CACNA1D: variants seen among roughly 807,000 people sequenced by gnomAD.
CACNA1D encodes the protein calcium voltage-gated channel subunit alpha1 D.
CACNA1D carries 55 observed loss-of-function variants against 257.1 expected under a neutral mutation model. That is an observed-to-expected ratio of 0.21 (90% CI 0.17 to 0.27). CACNA1D has a LOEUF of 0.27. Among genes scored for constraint, CACNA1D ranks in the 10% least tolerant of loss-of-function variants. The pLI is 1.00. For missense variants in CACNA1D, 1,876 were observed against 2,784.0 expected (o/e 0.67, Z 7.34); for synonymous variants, 980 against 1,014.9 (o/e 0.97, Z 0.65).
intron 3 of CACNA1D, among the ~76,000 whole-genome samples, chr3:53,559,625 A>G (rs891447176): frequency 6.6e-6 from 1 of 152,108 alleles, no homozygotes; most frequent in African/African-American, 2.4e-5. Context: ...ATGATATCCT[A>G]AAGTGAAAAT....
rs1157252380 is a variant in CACNA1D at position 53,497,265 on chromosome 3, A to G, written c.181A>G (p.Arg61Gly). The G allele has an allele frequency of 7.4e-6, 12 of 1,614,068 alleles. No homozygotes were observed. The highest frequency in any genetic ancestry group is 1.0e-5 in the Non-Finnish European group (12 of 1,180,028). Residue 61 changes from arginine to glycine, a missense_variant, in exon 2 of 48, where the codon AGA becomes GGA. Arg to Gly is a moderately radical substitution (Grantham distance 125, BLOSUM62 -2). Transcript: ENST00000350061. Reference protein sequence around the residue: ...LSWQAAIDAARQAKAAQTMST... With the variant: ...LSWQAAIDAAGQAKAAQTMST... ...TTGGCAAGCTGCAATCGATGCTGCT[A>G]GACAGGCCAAGGCTGCCCAAACTAT...
Position 53,702,676 on chromosome 3 carries a change from G to C in CACNA1D, c.1256G>C (p.Arg419Pro). The change falls in exon 9 of 48, where the codon CGG (arginine) becomes CCG (proline). Residue 419 changes from arginine to proline, a missense_variant. By Grantham distance (103) the Arg-to-Pro change is moderately radical. Coordinates refer to ENST00000350061, the MANE Select transcript of CACNA1D (RefSeq NM_001128840.3). ...FSKEREKAKA[R>P]GDFQKLREKQ... The stretch of plus-strand genomic sequence containing the variant: ...AAGGAAAGAGAGAAGGCAAAAGCAC[G>C]GGGAGATTTCCAGAAGCTCCGGGAG... 6.2e-7 allele frequency: 1 copy of C among 1,614,156 alleles called. No individual in the cohort carries two copies. Among genetic ancestry groups the C allele is most frequent in the Non-Finnish European group, 8.5e-7 (1 of 1,180,040 alleles).
intron 43 of CACNA1D, 152 bp from the exon 44 acceptor site, chr3:53,803,271 A>G (rs1329771668): frequency 4.8e-5 from 38 of 797,880 alleles, no homozygotes; most frequent in Non-Finnish European, 7.7e-5. Flanking sequence ...TGTTGCCAGA[A>G]GCCGGAACAG....
chr3:53,621,457 G>A (rs1348660804), intron 3 of CACNA1D, among the ~76,000 whole-genome samples: 1 of 152,150 alleles, frequency 6.6e-6, no homozygotes. Flanking sequence ...TCAAGTGTGT[G>A]TTTCTCAAAA....
Position 53,762,076 on chromosome 3 carries a change from G to A in CACNA1D, c.3865G>A (p.Ala1289Thr), listed in dbSNP as rs1233357713. The A allele has an allele frequency of 1.2e-6, 2 of 1,608,608 alleles. No individual in the cohort carries two copies. The highest frequency in any genetic ancestry group is 2.7e-5 in the African/African-American group (2 of 74,848). Residue 1289 changes from alanine (A) to threonine (T), a missense_variant, in exon 30 of 48, where the codon GCA becomes ACA. By Grantham distance (58) the Ala-to-Thr change is moderately conservative (BLOSUM62 0). Around this residue, in one of 10 missense-constraint regions of CACNA1D, gnomAD observed 204 missense variants for 309.4 expected, o/e 0.66. Coordinates refer to ENST00000350061, the MANE Select transcript of CACNA1D (RefSeq NM_001128840.3). ...GSIIDVALSE[A>T]DPTESENVPV... ...CATTATAGACGTGGCCCTCAGCGAA[G>A]CAGACGTGAGTATGCACCTGGCGTG... is the stretch of plus-strand genomic sequence containing the variant.
At chr3:53,648,494 C>T (rs2108258699) in intron 3 of CACNA1D, among the ~76,000 whole-genome samples, 2 of 152,272 alleles carry the variant, frequency 1.3e-5, no homozygotes, top group South Asian at 4.1e-4. Flanking sequence ...GGTCCCTGCT[C>T]CTCAGAATAC....
chr3:53,567,152 C>T (rs906914717), intron 3 of CACNA1D, among the ~76,000 whole-genome samples: 7 of 152,152 alleles, frequency 4.6e-5, no homozygotes, highest in Non-Finnish European at 1.0e-4. Flanking sequence ...CAGGATCTCC[C>T]GTGGATGCAT....
rs1307068452 is a variant in CACNA1D, at chr3:53,800,117, T to C, written c.4924-132T>C. On this transcript the variant is annotated intron_variant, in intron 40 of 47. Coordinates refer to ENST00000350061, the MANE Select transcript of CACNA1D (RefSeq NM_001128840.3). This position sits in a 1 kb window ranked among gnomAD's most constrained non-coding sequence, Gnocchi z 4.3. ...CTTAGACTGCCTTCAGTGACATCAGTCAGTGCCCTGGATTGGCTTTTGGGG... is the reference window on the plus strand; with the variant it reads ...CTTAGACTGCCTTCAGTGACATCAGCCAGTGCCCTGGATTGGCTTTTGGGG... 2.6e-6 allele frequency: 2 copies of C among 773,554 alleles called. No homozygotes were observed. Among genetic ancestry groups the C allele is most frequent in the Non-Finnish European group, 4.7e-6 (2 of 421,520 alleles). 47.9% of individuals were successfully genotyped at this position (773,554 alleles called of 1,614,324 possible).
At chr3:53,636,012 T>C (rs1303452548) in intron 3 of CACNA1D, among the ~76,000 whole-genome samples, 1 of 152,126 alleles carries the variant, frequency 6.6e-6, no homozygotes, top group Non-Finnish European at 1.5e-5. Flanking sequence ...TTCTGACCAT[T>C]GGGTTTGCTT....
At chr3:53,686,303 T>C (rs1028354449) in intron 8 of CACNA1D, among the ~76,000 whole-genome samples, 4 of 152,100 alleles carry the variant, frequency 2.6e-5, no homozygotes, top group Admixed American at 2.6e-4. Context: ...AAAAAAATTA[T>C]ACCATCCCTA....
At chr3:53,676,356 G>C (rs2680667) in intron 8 of CACNA1D, among the ~76,000 whole-genome samples, 3,687 of 152,004 alleles carry the variant, frequency 0.024, 158 homozygotes, top group African/African-American at 0.084. Context: ...TGTTGTTTAA[G>C]CAAATTATTA....
intron 3 of CACNA1D, among the ~76,000 whole-genome samples, chr3:53,609,191 A>G (rs572367741): frequency 7.9e-5 from 12 of 152,260 alleles, no homozygotes; most frequent in Middle Eastern, 3.4e-3. Context: ...CAGGCAGATC[A>G]TGAGGTCAGG....
At chr3:53,760,321 G>T (rs1425327006) in intron 29 of CACNA1D, among the ~76,000 whole-genome samples, 1 of 152,200 alleles carries the variant, frequency 6.6e-6, no homozygotes, top group African/African-American at 2.4e-5. Flanking sequence ...GCAAAAGGCT[G>T]TGGTTCTGCA....
At chr3:53,678,158 G>A (rs1255190575) in intron 8 of CACNA1D, among the ~76,000 whole-genome samples, 1 of 152,218 alleles carries the variant, frequency 6.6e-6, no homozygotes, top group African/African-American at 2.4e-5. Context: ...AATGACATAA[G>A]CTACTGCTGA....
chr3:53,705,829 C>T (rs984544902), intron 9 of CACNA1D, among the ~76,000 whole-genome samples: 10 of 152,324 alleles, frequency 6.6e-5, no homozygotes, highest in Admixed American at 6.5e-4. Flanking sequence ...TGAGGTTTCC[C>T]TGGGGCCTCC....
rs2095048823 is a variant in CACNA1D at position 53,735,516 on chromosome 3, G to A, written c.2751+13G>A. The A allele has an allele frequency of 6.2e-7, 1 of 1,613,674 alleles. No homozygotes were observed. Among genetic ancestry groups the A allele is most frequent in the Non-Finnish European group, 8.5e-7 (1 of 1,179,980 alleles). On this transcript the variant is annotated intron_variant, in intron 20 of 47. Transcript: ENST00000350061. ...CTTCCGGAACACGGTAAGTCCCCAG[G>A]GTGGGGCTCGCTCTGGGATAGCCCT...
chr3:53,728,886 G>A (rs868324578), intron 15 of CACNA1D, among the ~76,000 whole-genome samples: 13 of 152,194 alleles, frequency 8.5e-5, no homozygotes, highest in Non-Finnish European at 1.8e-4. Flanking sequence ...CTCTTTAGGA[G>A]GGTCTGAGTA....
intron 14 of CACNA1D, among the ~76,000 whole-genome samples, chr3:53,726,595 C>T (rs1445903053): frequency 6.6e-6 from 1 of 152,180 alleles, no homozygotes; most frequent in Non-Finnish European, 1.5e-5. Context: ...TGAGATCAAG[C>T]CACTGCACTC....
intron 3 of CACNA1D, among the ~76,000 whole-genome samples, chr3:53,608,645 GTTTC>G (rs1576071282): frequency 6.6e-6 from 1 of 152,150 alleles, no homozygotes; most frequent in East Asian, 1.9e-4. Context: ...GGTTGAAGAA[GTTTC>G]TTTCTATTTC....
Sources: gnomAD v4.1 joint callset for allele counts (sites outside exome capture counted in the v4.1 genomes callset) on GRCh38, gnomAD v4.1.1 for gene constraint, gnomAD v4.1.1 regional missense constraint, Gnocchi (gnomAD v3.1) non-coding constraint, MANE v1.5 for transcripts, NCBI Gene and HGNC (gene_info 2026-07-23, HGNC 2026-07-21) for gene names.